Variants in ENOX1 observed in about 807,000 individuals in gnomAD.
ENOX1 encodes candidate growth-related and time keeping constitutive hydroquinone (NADH) oxidase.
Under a neutral mutation model 82.5 loss-of-function variants are expected in ENOX1, and 42 were observed. The ratio of observed to expected loss-of-function variants is 0.51; its 90% CI spans 0.40 to 0.66. The LOEUF (loss-of-function observed/expected upper bound fraction) is 0.66, where lower values mean the gene tolerates loss of function less well. ENOX1 is among the 30% of genes least tolerant of loss of function. ENOX1 has a pLI of 0.00. For synonymous variants in ENOX1, 271 were observed against 282.2 expected (o/e 0.96, Z 0.40); for missense variants, 608 against 811.6 (o/e 0.75, Z 3.05).
intron 1 of ENOX1, among the ~76,000 whole-genome samples, chr13:43,770,733 G>A (rs1040216259): frequency 1.3e-5 from 2 of 150,570 alleles, no homozygotes; most frequent in Non-Finnish European, 3.0e-5. Context: ...AGACTCAAGA[G>A]ATATGCCTGG....
intron 3 of ENOX1, among the ~76,000 whole-genome samples, chr13:43,470,363 T>TATATAC (rs2057992390): frequency 3.7e-5 from 1 of 27,064 alleles, no homozygotes. Context: ...TGTATATATA[T>TATATAC]ACGTATATAT....
intron 2 of ENOX1, among the ~76,000 whole-genome samples, chr13:43,602,658 T>C (rs1025882003): frequency 7.2e-5 from 11 of 152,120 alleles, no homozygotes; most frequent in African/African-American, 2.7e-4. Context: ...TTAAAATGTA[T>C]TCTGTATGAA....
intron 2 of ENOX1, among the ~76,000 whole-genome samples, chr13:43,585,103 T>C (rs1339534677): frequency 6.6e-6 from 1 of 152,218 alleles, no homozygotes; most frequent in Non-Finnish European, 1.5e-5. Flanking sequence ...TGGATGATCC[T>C]ATGGACTCTA....
chr13:43,713,313 G>C (rs2087868612), intron 1 of ENOX1, among the ~76,000 whole-genome samples: 1 of 152,188 alleles, frequency 6.6e-6, no homozygotes. Flanking sequence ...GATTCAGTTT[G>C]CCAGTATTTT....
intron 1 of ENOX1, among the ~76,000 whole-genome samples, chr13:43,762,742 T>C (rs557383055): frequency 2.6e-5 from 4 of 152,314 alleles, no homozygotes; most frequent in South Asian, 4.1e-4. Context: ...CTATTGACAA[T>C]GCAAAACAAT....
At chr13:43,680,260 C>T (rs9533584) in intron 1 of ENOX1, among the ~76,000 whole-genome samples, 13,377 of 152,082 alleles carry the variant, frequency 0.088, 928 homozygotes, top group African/African-American at 0.19. Context: ...CATAAGTGTA[C>T]ACAGAAAAGA....
Position 43,543,336 on chromosome 13 carries a change from T to C in ENOX1, c.-218-59184A>G, listed in dbSNP as rs531149920. ...GTGAATGGATCAGAAACATAAATTG[T>C]TTTGGTAAGCTAGAACAGAAGCTAT... is the stretch of plus-strand genomic sequence containing the variant. On this transcript the variant is annotated intron_variant, in intron 2 of 16. Transcript: ENST00000690772. 2.6e-5 allele frequency among the ~76,000 whole-genome samples: 4 copies of C among 152,258 alleles called. No homozygotes were observed. The East Asian group carries it at 5.8e-4, about 22-fold the overall frequency.
chr13:43,702,045 C>G (rs879857524), intron 1 of ENOX1, among the ~76,000 whole-genome samples: 5 of 152,220 alleles, frequency 3.3e-5, no homozygotes, highest in Admixed American at 2.0e-4. Context: ...TGTTCTCCAT[C>G]TCTATAATTC....
intron 1 of ENOX1, among the ~76,000 whole-genome samples, chr13:43,727,930 TC>T (rs2089088988): frequency 1.3e-5 from 2 of 152,190 alleles, no homozygotes; most frequent in African/African-American, 4.8e-5. Flanking sequence ...TACTGAGAAT[TC>T]ATAACAAGAA....
intron 2 of ENOX1, among the ~76,000 whole-genome samples, chr13:43,560,252 T>G (rs1874360): frequency 0.014 from 2,058 of 152,326 alleles, 59 homozygotes; most frequent in African/African-American, 0.047. Flanking sequence ...TATATTCCTA[T>G]TGGTATGCTT....
intron 3 of ENOX1, among the ~76,000 whole-genome samples, chr13:43,464,773 T>C (rs569672542): frequency 6.6e-6 from 1 of 152,288 alleles, no homozygotes; most frequent in African/African-American, 2.4e-5. Context: ...CATTTGGATT[T>C]TACCAGTCTT....
chr13:43,726,753 T>TGTGAGA lies in ENOX1; in HGVS notation c.-284-59210_-284-59209insTCTCAC, dbSNP rs60690794. Among the ~76,000 whole-genome samples the TGTGAGA allele has an allele frequency of 2.7e-3, 384 of 141,124 alleles. 1 individual carries two copies. The highest frequency in any genetic ancestry group is 4.6e-3 in the Non-Finnish European group (309 of 66,692). 92.6% of individuals were successfully genotyped at this position (141,124 alleles called of 152,430 possible). On this transcript the variant is annotated intron_variant, in intron 1 of 16. Coordinates refer to ENST00000690772, the MANE Select transcript of ENOX1 (RefSeq NM_001347969.2). ...GTGTGTGTGTGTGTGTGTGTGTGTG[T>TGTGAGA]GAGAGAGAGACAGGGTCTCACTGTG...
intron 1 of ENOX1, among the ~76,000 whole-genome samples, chr13:43,759,562 T>C (rs1265314957): frequency 6.6e-6 from 1 of 152,246 alleles, no homozygotes; most frequent in Non-Finnish European, 1.5e-5. Flanking sequence ...TCTTAACTTC[T>C]AGTGATGAAG....
intron 14 of ENOX1, among the ~76,000 whole-genome samples, chr13:43,249,673 T>A (rs1005319294): frequency 6.6e-6 from 1 of 152,184 alleles, no homozygotes; most frequent in Non-Finnish European, 1.5e-5. Context: ...AATATTAAAA[T>A]TTAGAGGGTT....
At chr13:43,345,731 GC>G (rs1452812190) in intron 8 of ENOX1, among the ~76,000 whole-genome samples, 1 of 152,082 alleles carries the variant, frequency 6.6e-6, no homozygotes, top group Non-Finnish European at 1.5e-5. Flanking sequence ...GAGGGGAGAA[GC>G]TTTTCATTGT....
chr13:43,289,296 T>C (rs1817921132), intron 12 of ENOX1, among the ~76,000 whole-genome samples: 1 of 152,102 alleles, frequency 6.6e-6, no homozygotes, highest in Non-Finnish European at 1.5e-5. Flanking sequence ...GCCAGAAGCA[T>C]CACACTACCT....
At chr13:43,437,112 A>G (rs1028028485) in intron 3 of ENOX1, among the ~76,000 whole-genome samples, 8 of 152,212 alleles carry the variant, frequency 5.3e-5, no homozygotes, top group Non-Finnish European at 8.8e-5. Context: ...CATATTTTTT[A>G]AAGTCTTCAA....
chr13:43,572,043 T>G (rs930389517), intron 2 of ENOX1, among the ~76,000 whole-genome samples: 1 of 152,024 alleles, frequency 6.6e-6, no homozygotes, highest in African/African-American at 2.4e-5. Flanking sequence ...AACTTACTTA[T>G]GAAGAGCATT....
At chr13:43,769,183 A>G (rs1951452412) in intron 1 of ENOX1, among the ~76,000 whole-genome samples, 1 of 152,186 alleles carries the variant, frequency 6.6e-6, no homozygotes, top group African/African-American at 2.4e-5. Context: ...GAATAGGATG[A>G]CATATGCAAC....
Sources: gnomAD v4.1 joint callset for allele counts (sites outside exome capture counted in the v4.1 genomes callset) on GRCh38, gnomAD v4.1.1 for gene constraint, MANE v1.5 for transcripts, NCBI Gene and HGNC (gene_info 2026-07-23, HGNC 2026-07-21) for gene names.